Variants in PTPRM observed in about 807,000 individuals in gnomAD.
PTPRM encodes the protein protein tyrosine phosphatase receptor type M.
In PTPRM, 47 loss-of-function variants were observed where a neutral mutation model predicts 186.7. The ratio of observed to expected loss-of-function variants is 0.25; its 90% CI spans 0.20 to 0.32. The LOEUF (loss-of-function observed/expected upper bound fraction) is 0.32. PTPRM is among the 10% of genes least tolerant of loss of function. The pLI is 1.00. For missense variants in PTPRM, 1,494 were observed against 1,865.0 expected (o/e 0.80, Z 3.66); for synonymous variants, 668 against 674.9 (o/e 0.99, Z 0.16).
chr18:7,836,030 T>C (rs1469789745), intron 2 of PTPRM, among the ~76,000 whole-genome samples: 2 of 152,118 alleles, frequency 1.3e-5, no homozygotes, highest in Non-Finnish European at 2.9e-5. Flanking sequence ...GATTATTGAG[T>C]CTTGTTATTT....
chr18:7,688,611 T>A (rs866140830), intron 1 of PTPRM, among the ~76,000 whole-genome samples: 2 of 151,960 alleles, frequency 1.3e-5, no homozygotes, highest in Middle Eastern at 6.8e-3. Context: ...GAGAGAAGAG[T>A]TGTGGAAGAA....
intron 4 of PTPRM, among the ~76,000 whole-genome samples, chr18:7,914,279 G>T (rs2050428060): frequency 6.6e-6 from 1 of 152,114 alleles, no homozygotes; most frequent in Non-Finnish European, 1.5e-5. Flanking sequence ...TCTTAAGATA[G>T]AGTCGACTTC....
At chr18:8,256,671 G>A (rs1051021958) in intron 19 of PTPRM, among the ~76,000 whole-genome samples, 2 of 152,074 alleles carry the variant, frequency 1.3e-5, no homozygotes, top group Non-Finnish European at 2.9e-5. Context: ...CTCCAGGGCT[G>A]GATAACTTTC....
rs1444307552 is a variant in PTPRM at position 7,567,466 on chromosome 18, C to T, written c.-353C>T. 2.2e-5 allele frequency: 4 copies of T among 181,918 alleles called. No homozygotes were observed. Among genetic ancestry groups the T allele is most frequent in the Non-Finnish European group, 4.5e-5 (4 of 88,632 alleles). 11.3% of individuals were successfully genotyped at this position (181,918 alleles called of 1,614,324 possible). A position where few individuals can be genotyped will look rare whatever the true frequency, so the allele number is the denominator to read the frequency against. On this transcript the variant is annotated 5_prime_UTR_variant, in exon 1 of 33. Coordinates refer to ENST00000580170, the MANE Select transcript of PTPRM (RefSeq NM_001105244.2). The surrounding 1 kb of genome is among the most constrained non-coding windows in gnomAD (Gnocchi z 4.3). ...CCACGGCCACCGCCACGGCCACGGC[C>T]GGCAGCTCGGGTCCCGGGTCCCGGG...
intron 1 of PTPRM, among the ~76,000 whole-genome samples, chr18:7,761,585 T>C (rs2041776097): frequency 1.3e-5 from 2 of 152,250 alleles, no homozygotes; most frequent in Admixed American, 1.3e-4. Flanking sequence ...TTCTTTTTTT[T>C]ATCTGGCTCA....
At chr18:8,336,046 T>C (rs1362217048) in intron 22 of PTPRM, among the ~76,000 whole-genome samples, 1 of 151,510 alleles carries the variant, frequency 6.6e-6, no homozygotes. Context: ...AATAAATAAA[T>C]AAATAGTAAT....
chr18:7,910,320 C>G (rs2050195407), intron 4 of PTPRM, among the ~76,000 whole-genome samples: 1 of 152,194 alleles, frequency 6.6e-6, no homozygotes, highest in South Asian at 2.1e-4. Context: ...TGTCCAGGTT[C>G]TTGGTGTCTT....
At chr18:7,801,643 A>C (rs1163324337) in intron 2 of PTPRM, among the ~76,000 whole-genome samples, 1 of 152,214 alleles carries the variant, frequency 6.6e-6, no homozygotes, top group Non-Finnish European at 1.5e-5. Flanking sequence ...TGTACTGTAC[A>C]TGATGCATGT....
At chr18:8,113,428 C>A in intron 11 of PTPRM, 58 bp from the exon 12 acceptor site, 2 of 1,501,622 alleles carry the variant, frequency 1.3e-6, no homozygotes, top group South Asian at 1.2e-5. Context: ...CAGTTGAAGG[C>A]AGAGTGGATC....
Position 7,962,156 on chromosome 18 carries a change from C to T in PTPRM, c.1132+6742C>T, listed in dbSNP as rs573407473. ...TCTCCTATTTTTTTGTGATGACAGT[C>T]GTACTGTTGCACTTGAACAGATGTA... is the stretch of plus-strand genomic sequence containing the variant. On this transcript the variant is annotated intron_variant, in intron 7 of 32. Coordinates refer to ENST00000580170, the MANE Select transcript of PTPRM (RefSeq NM_001105244.2). 4.8e-4 allele frequency among the ~76,000 whole-genome samples: 73 copies of T among 152,262 alleles called. 1 individual carries two copies. In the Middle Eastern group the frequency reaches 0.01, roughly 21 times the overall value.
At chr18:7,634,015 T>G (rs2038253412) in intron 1 of PTPRM, among the ~76,000 whole-genome samples, 1 of 152,072 alleles carries the variant, frequency 6.6e-6, no homozygotes, top group Non-Finnish European at 1.5e-5. Flanking sequence ...AAACACAGAA[T>G]CTTTTCCAAG....
chr18:8,118,822 A>G (rs941563457), intron 13 of PTPRM, among the ~76,000 whole-genome samples: 28 of 146,546 alleles, frequency 1.9e-4, no homozygotes, highest in Admixed American at 4.8e-4. Flanking sequence ...ATATATATAT[A>G]TATATATATA....
At chr18:7,707,919 C>A (rs2040130237) in intron 1 of PTPRM, among the ~76,000 whole-genome samples, 1 of 152,180 alleles carries the variant, frequency 6.6e-6, no homozygotes, top group African/African-American at 2.4e-5. Flanking sequence ...TATTTCATTT[C>A]TGTGTGCAGA....
At chr18:8,197,270 G>A (rs2093792187) in intron 14 of PTPRM, among the ~76,000 whole-genome samples, 1 of 152,158 alleles carries the variant, frequency 6.6e-6, no homozygotes, top group African/African-American at 2.4e-5. Flanking sequence ...TATTTACTCA[G>A]TGTTTTTTCA....
At chr18:7,912,225 G>A (rs2050311435) in intron 4 of PTPRM, among the ~76,000 whole-genome samples, 1 of 152,110 alleles carries the variant, frequency 6.6e-6, no homozygotes, top group South Asian at 2.1e-4. Context: ...AGAAAGTGGT[G>A]AAAATTCATT....
chr18:7,883,123 A>C (rs966478878), intron 2 of PTPRM, among the ~76,000 whole-genome samples: 1 of 152,178 alleles, frequency 6.6e-6, no homozygotes, highest in Non-Finnish European at 1.5e-5. Context: ...TATATTTTCT[A>C]CTTATATACT....
At chr18:7,679,226 G>A (rs1460838556) in intron 1 of PTPRM, among the ~76,000 whole-genome samples, 1 of 152,188 alleles carries the variant, frequency 6.6e-6, no homozygotes, top group Non-Finnish European at 1.5e-5. Context: ...AGACCATTAG[G>A]AAGATATACT....
intron 14 of PTPRM, among the ~76,000 whole-genome samples, chr18:8,240,059 T>C (rs1483154974): frequency 6.6e-6 from 1 of 152,208 alleles, no homozygotes; most frequent in Non-Finnish European, 1.5e-5. Flanking sequence ...TTCATTAAGT[T>C]CACAAAGCTT....
At chr18:8,289,555 TATATACAC>T (rs2095011312) in intron 19 of PTPRM, among the ~76,000 whole-genome samples, 2 of 104,524 alleles carry the variant, frequency 1.9e-5, no homozygotes, top group African/African-American at 8.7e-5. Context: ...TATATACATA[TATATACAC>T]ATATATATAT....
Sources: allele counts gnomAD v4.1 joint callset (sites outside exome capture counted in the v4.1 genomes callset), GRCh38; gene constraint gnomAD v4.1.1; non-coding constraint Gnocchi (gnomAD v3.1); transcripts MANE v1.5; gene names NCBI Gene and HGNC (gene_info 2026-07-23, HGNC 2026-07-21).